Variants in MEGF10 observed in about 807,000 individuals in gnomAD.
MEGF10 encodes multiple epidermal growth factor-like domains protein 10.
In MEGF10, 86 loss-of-function variants were observed where a neutral mutation model predicts 147.5. The ratio of observed to expected loss-of-function variants is 0.58; its 90% CI spans 0.49 to 0.70. The LOEUF is 0.70. MEGF10 is among the 30% of genes least tolerant of loss of function. The pLI is 0.00. For synonymous variants in MEGF10, 478 were observed against 525.5 expected (o/e 0.91, Z 1.24); for missense variants, 1,329 against 1,487.3 (o/e 0.89, Z 1.75).
At chr5:127,274,799 G>A in the MEGF10 span, among the ~76,000 whole-genome samples, 2 of 152,122 alleles carry the variant, frequency 1.3e-5, no homozygotes, top group African/African-American at 4.8e-5. Flanking sequence ...AGATAAAGAT[G>A]ACTTTTATGT....
intron 13 of MEGF10, among the ~76,000 whole-genome samples, chr5:127,432,280 A>G (rs1765410598): frequency 6.6e-6 from 1 of 152,206 alleles, no homozygotes; most frequent in South Asian, 2.1e-4. Flanking sequence ...CAACATTCAC[A>G]TTATAGTTTG....
chr5:127,231,223 T>G, the MEGF10 span, among the ~76,000 whole-genome samples: 1 of 152,240 alleles, frequency 6.6e-6, no homozygotes, highest in African/African-American at 2.4e-5. Context: ...ATTCCTCTGC[T>G]TAAAGCACAT....
At chr5:127,364,427 T>G (rs1762583613) in intron 4 of MEGF10, among the ~76,000 whole-genome samples, 1 of 152,204 alleles carries the variant, frequency 6.6e-6, no homozygotes, top group Non-Finnish European at 1.5e-5. Flanking sequence ...TACTCTGCAT[T>G]TATTGAGTTT....
At chr5:127,344,599 T>C (rs1580739868) in intron 4 of MEGF10, among the ~76,000 whole-genome samples, 2 of 152,214 alleles carry the variant, frequency 1.3e-5, no homozygotes, top group South Asian at 4.2e-4. Flanking sequence ...CAGCTGCATC[T>C]CATTACATGA....
intron 1 of MEGF10, among the ~76,000 whole-genome samples, chr5:127,294,175 C>A (rs1367950540): frequency 2.0e-5 from 3 of 152,230 alleles, no homozygotes; most frequent in Non-Finnish European, 4.4e-5. Context: ...ATCTCATAAA[C>A]TTAGCGATAT....
chr5:127,312,245 C>T (rs1434170018), intron 1 of MEGF10, among the ~76,000 whole-genome samples: 2 of 152,250 alleles, frequency 1.3e-5, no homozygotes, highest in African/African-American at 4.8e-5. Flanking sequence ...GGAAAAAGTG[C>T]CTTCGGCTGG....
intron 8 of MEGF10, chr5:127,409,642 GA>G (rs1764478531): frequency 6.6e-6 from 1 of 152,332 alleles, no homozygotes; most frequent in Admixed American, 6.5e-5. Context: ...ATAATGAAGT[GA>G]ATTTTTGAGG....
chr5:127,317,139 C>G (rs1444614394), intron 1 of MEGF10, among the ~76,000 whole-genome samples: 1 of 152,180 alleles, frequency 6.6e-6, no homozygotes, highest in African/African-American at 2.4e-5. Context: ...AAAAGGCAAG[C>G]TCTCAAAAGC....
At chr5:127,442,229 T>C (rs1765780833) in intron 18 of MEGF10, among the ~76,000 whole-genome samples, 1 of 152,224 alleles carries the variant, frequency 6.6e-6, no homozygotes. Flanking sequence ...CTTCTCCCAA[T>C]GCTTATTTGT....
intron 6 of MEGF10, among the ~76,000 whole-genome samples, chr5:127,397,299 TG>T (rs1763956565): frequency 6.6e-6 from 1 of 152,212 alleles, no homozygotes; most frequent in South Asian, 2.1e-4. Flanking sequence ...TTAATGCTCA[TG>T]GATACATATT....
At chr5:127,236,477 G>C in the MEGF10 span, among the ~76,000 whole-genome samples, 1 of 152,202 alleles carries the variant, frequency 6.6e-6, no homozygotes, top group South Asian at 2.1e-4. Flanking sequence ...GCCAAGCCCT[G>C]GTCTAGAGAA....
intron 18 of MEGF10, among the ~76,000 whole-genome samples, chr5:127,442,702 T>C (rs1580876371): frequency 6.6e-6 from 1 of 152,202 alleles, no homozygotes. Flanking sequence ...ATCTGTTCCA[T>C]GGGAATTCCA....
intron 2 of MEGF10, among the ~76,000 whole-genome samples, chr5:127,337,470 T>G (rs1252772327): frequency 6.6e-6 from 1 of 152,076 alleles, no homozygotes; most frequent in Non-Finnish European, 1.5e-5. Flanking sequence ...AAAATATTGG[T>G]AAGGAAGTCT....
the MEGF10 span, among the ~76,000 whole-genome samples, chr5:127,234,842 CT>C: frequency 4.7e-3 from 684 of 146,856 alleles, 4 homozygotes; most frequent in African/African-American, 0.015. Flanking sequence ...ACTTCCATAT[CT>C]TTTTTTTTTT....
At chr5:127,416,997 CAGG>C (rs1409982789) in intron 9 of MEGF10, among the ~76,000 whole-genome samples, 1 of 152,228 alleles carries the variant, frequency 6.6e-6, no homozygotes, top group Admixed American at 6.5e-5. Context: ...TTCCTCTTGT[CAGG>C]AGAACTAGTT....
At chr5:127,386,414 T>C (rs1763436580) in intron 5 of MEGF10, among the ~76,000 whole-genome samples, 1 of 152,216 alleles carries the variant, frequency 6.6e-6, no homozygotes, top group Non-Finnish European at 1.5e-5. Flanking sequence ...GAAGTGGGGA[T>C]TGCTAAGAAA....
chr5:127,395,559 T>G (rs1301064749), intron 5 of MEGF10, among the ~76,000 whole-genome samples: 3 of 142,038 alleles, frequency 2.1e-5, no homozygotes, highest in African/African-American at 8.0e-5. Flanking sequence ...TTTTTTTTTT[T>G]TTTGAGACGG....
chr5:127,315,955 C>T (rs1760530777), intron 1 of MEGF10, among the ~76,000 whole-genome samples: 1 of 152,222 alleles, frequency 6.6e-6, no homozygotes. Context: ...CTGCTAATTA[C>T]TGAAGGTTCA....
chr5:127,391,087 T>TGCGTGCGC (rs1763647767), intron 5 of MEGF10, among the ~76,000 whole-genome samples: 2 of 131,904 alleles, frequency 1.5e-5, no homozygotes, highest in Admixed American at 1.5e-4. Flanking sequence ...CATACACACA[T>TGCGTGCGC]GCGCGCGCGC....
Sources: allele counts gnomAD v4.1 joint callset (sites outside exome capture counted in the v4.1 genomes callset), GRCh38; gene constraint gnomAD v4.1.1; transcripts MANE v1.5; gene names NCBI Gene and HGNC (gene_info 2026-07-23, HGNC 2026-07-21).